COP1: variants seen among roughly 807,000 people sequenced by gnomAD.
COP1 encodes E3 ubiquitin-protein ligase COP1.
A neutral mutation model predicts 101.3 loss-of-function variants in COP1; 24 were observed. The observed-to-expected ratio is 0.24, with a 90% confidence interval of 0.17 to 0.33. The LOEUF is 0.33. Ranked by LOEUF, COP1 falls within the 10% of genes least tolerant of loss-of-function variation. The pLI, the probability that COP1 is intolerant of heterozygous loss-of-function variation, is 1.00. For synonymous variants in COP1, 347 were observed against 341.9 expected (o/e 1.01, Z -0.17); for missense variants, 663 against 906.2 (o/e 0.73, Z 3.45).
At chr1:176,168,741 T>C in intron 3 of COP1, 1 of 328,520 alleles carries the variant, frequency 3.0e-6, no homozygotes, top group South Asian at 2.3e-5. Context: ...GCAGACAGAG[T>C]ATGCACACTG....
rs551307885 is a variant in COP1, at chr1:176,036,273, C to T, written c.1612+6913G>A. On this transcript the variant is annotated intron_variant, in intron 14 of 19. Coordinates refer to ENST00000367669, the MANE Select transcript of COP1 (RefSeq NM_022457.7). ...AAACTAGAAAGGGGAGGAAATTAAA[C>T]CCAAAGCAAGAAGAAAAATGGGCAG... Among the ~76,000 whole-genome samples the T allele has an allele frequency of 6.6e-5, 10 of 151,498 alleles. No homozygotes were observed. In the East Asian group the frequency reaches 1.9e-3, roughly 29 times the overall value.
intron 6 of COP1, among the ~76,000 whole-genome samples, chr1:176,137,393 T>C (rs1212749326): frequency 1.3e-5 from 2 of 152,172 alleles, no homozygotes; most frequent in East Asian, 3.8e-4. Context: ...TCAGATTTTA[T>C]TGAGAGTATT....
intron 15 of COP1, among the ~76,000 whole-genome samples, chr1:176,015,803 T>C (rs1223178290): frequency 1.3e-5 from 2 of 152,052 alleles, no homozygotes; most frequent in Non-Finnish European, 2.9e-5. Flanking sequence ...TGGAGGTAAT[T>C]TGGTGATGAT....
intron 3 of COP1, among the ~76,000 whole-genome samples, chr1:176,166,573 A>T (rs925441257): frequency 1.3e-5 from 2 of 152,202 alleles, no homozygotes; most frequent in Admixed American, 1.3e-4. Flanking sequence ...TACCAAACGA[A>T]GTTTTTTACT....
chr1:175,994,916 C>G (rs1003230771), intron 15 of COP1, among the ~76,000 whole-genome samples: 1 of 152,208 alleles, frequency 6.6e-6, no homozygotes, highest in Non-Finnish European at 1.5e-5. Flanking sequence ...CTACAGAACT[C>G]TCCACCCCAA....
chr1:176,140,538 A>C (rs764320829), intron 6 of COP1, among the ~76,000 whole-genome samples: 2 of 152,202 alleles, frequency 1.3e-5, no homozygotes, highest in Non-Finnish European at 2.9e-5. Context: ...TCAGTGCAAG[A>C]CATTTTAGTA....
chr1:176,021,241 C>T (rs1486321013), intron 15 of COP1, among the ~76,000 whole-genome samples: 2 of 152,124 alleles, frequency 1.3e-5, no homozygotes, highest in Non-Finnish European at 2.9e-5. Context: ...AGAGGCAATG[C>T]CTTCCAAATT....
At chr1:176,184,831 A>G (rs186238319) in intron 1 of COP1, 139 bp from the exon 2 acceptor site, 1 of 551,816 alleles carries the variant, frequency 1.8e-6, no homozygotes, top group African/African-American at 1.9e-5. Context: ...TATCAATAAG[A>G]GATGAAATTT....
At chr1:175,983,459 C>T (rs1209736409) in intron 18 of COP1, among the ~76,000 whole-genome samples, 1 of 152,204 alleles carries the variant, frequency 6.6e-6, no homozygotes, top group Non-Finnish European at 1.5e-5. Flanking sequence ...CCTCCCTAGC[C>T]ATGTGGAACT....
chr1:176,121,039 T>C (rs923617211), intron 8 of COP1, among the ~76,000 whole-genome samples: 3 of 151,806 alleles, frequency 2.0e-5, no homozygotes, highest in African/African-American at 4.8e-5. Context: ...ATTAGACTAT[T>C]ATCATTGATT....
chr1:176,106,673 T>C (rs1372150023), intron 9 of COP1, among the ~76,000 whole-genome samples: 1 of 152,190 alleles, frequency 6.6e-6, no homozygotes, highest in Non-Finnish European at 1.5e-5. Context: ...ACCTAACCAA[T>C]CAGGCACTCC....
At chr1:176,065,629 C>G (rs1043206027) in intron 11 of COP1, among the ~76,000 whole-genome samples, 6 of 151,604 alleles carry the variant, frequency 4.0e-5, no homozygotes, top group Non-Finnish European at 8.8e-5. Flanking sequence ...CCCTATTTGC[C>G]TGAAAGCAGA....
At chr1:175,973,406 T>C (rs187138487) in intron 18 of COP1, among the ~76,000 whole-genome samples, 1 of 152,234 alleles carries the variant, frequency 6.6e-6, no homozygotes, top group African/African-American at 2.4e-5. Context: ...AACCAGCCCA[T>C]GAAAATAAAA....
intron 1 of COP1, among the ~76,000 whole-genome samples, chr1:176,188,627 C>T (rs1340517426): frequency 6.6e-6 from 1 of 152,110 alleles, no homozygotes; most frequent in Admixed American, 6.6e-5. Flanking sequence ...ATATTTCAAA[C>T]TTTTTCATTA....
rs182007547 is a variant in COP1 at position 176,031,112 on chromosome 1, C to A, written c.1613-3424G>T. Among the ~76,000 whole-genome samples the A allele has an allele frequency of 3.4e-3, 511 of 152,190 alleles. 1 individual carries two copies. Among genetic ancestry groups the A allele is most frequent in the Middle Eastern group, 6.8e-3 (2 of 294 alleles). ...AGCCTTCACAGAGAGTGTGGCCCTG[C>A]CAACAATCTAATTTTGGGCTTCTGG... On this transcript the variant is annotated intron_variant, in intron 14 of 19. Transcript: ENST00000367669.
chr1:176,205,639 C>T (rs1700761737), intron 1 of COP1, among the ~76,000 whole-genome samples: 1 of 152,204 alleles, frequency 6.6e-6, no homozygotes, highest in Non-Finnish European at 1.5e-5. Context: ...TCTCATAATC[C>T]TACCAATATC....
intron 6 of COP1, among the ~76,000 whole-genome samples, chr1:176,138,073 T>C (rs1186295237): frequency 2.0e-5 from 3 of 152,060 alleles, no homozygotes; most frequent in African/African-American, 4.8e-5. Flanking sequence ...TAAAATTTGA[T>C]TGAAAATTAA....
At chr1:175,998,289 C>T (rs1477254980) in intron 15 of COP1, among the ~76,000 whole-genome samples, 3 of 148,218 alleles carry the variant, frequency 2.0e-5, no homozygotes, top group Non-Finnish European at 3.0e-5. Flanking sequence ...GGAAGGGGAA[C>T]ATCACACTCT....
chr1:176,151,376 A>AGAAT (rs1692516254), intron 5 of COP1, among the ~76,000 whole-genome samples: 1 of 111,198 alleles, frequency 9.0e-6, no homozygotes, highest in African/African-American at 2.7e-5. Flanking sequence ...AAAGAAAGAA[A>AGAAT]GAAAGAAAGA....
Sources: gnomAD v4.1 joint callset for allele counts (sites outside exome capture counted in the v4.1 genomes callset) on GRCh38, gnomAD v4.1.1 for gene constraint, MANE v1.5 for transcripts, NCBI Gene and HGNC (gene_info 2026-07-23, HGNC 2026-07-21) for gene names.